The following RPH3A variants were observed in gnomAD, a reference collection of about 807,000 sequenced individuals.
RPH3A encodes rabphilin 3A, also known as rabphilin-3A.
A neutral mutation model predicts 102.2 loss-of-function variants in RPH3A; 48 were observed. The observed-to-expected ratio is 0.47, with a 90% CI of 0.37 to 0.60. The LOEUF (loss-of-function observed/expected upper bound fraction) is 0.60. Among genes scored for constraint, RPH3A ranks in the 20% least tolerant of loss-of-function variants. The pLI, the probability that RPH3A is intolerant of heterozygous loss-of-function variation, is 0.00. For synonymous variants in RPH3A, 310 were observed against 324.3 expected, an observed-to-expected ratio of 0.96 and a Z score of 0.47; for missense variants, 781 against 910.1, an observed-to-expected ratio of 0.86 and a Z score of 1.83.
Position 112,791,893 on chromosome 12 carries a change from A to AGAGAGAGAGAGAGAGAGAGG in RPH3A, c.-247_-246insGAGAGAGGGAGAGAGAGAGA, listed in dbSNP as rs1565882402. The stretch of plus-strand genomic sequence containing the variant: ...GAGAGAGAGAGAGAGAGAGAGAGAG[A>AGAGAGAGAGAGAGAGAGAGG]GAGAGAGAGAGACTCACAGAGCTAA... On this transcript the variant is annotated 5_prime_UTR_variant, in exon 1 of 22. Coordinates refer to ENST00000389385, the MANE Select transcript of RPH3A (RefSeq NM_001143854.2). 4 of 150,940 alleles carry AGAGAGAGAGAGAGAGAGAGG rather than the reference A, an allele frequency of 2.7e-5. No individual in the cohort carries two copies. The highest frequency in any genetic ancestry group is 7.3e-5 in the African/African-American group (3 of 40,964). 9.4% of individuals were successfully genotyped at this position (150,940 alleles called of 1,614,324 possible). A position where few individuals can be genotyped will look rare whatever the true frequency, so the allele number is the denominator to read the frequency against.
chr12:112,767,529 A>G (rs1270340571), intron 1 of RPH3A, among the ~76,000 whole-genome samples: 1 of 152,176 alleles, frequency 6.6e-6, no homozygotes, highest in Non-Finnish European at 1.5e-5. Flanking sequence ...CAGTCCAGTG[A>G]GGGTCTGGCT....
In RPH3A at chr12:112,865,584, T is replaced by TGGA. The variant is rs780599098; in HGVS notation, c.360+42_360+43insGAG. 2.7e-5 allele frequency: 43 copies of TGGA among 1,600,546 alleles called. No homozygotes were observed. The African/African-American group carries it at 5.4e-4, about 20-fold the overall frequency. ...TCTCCCTTCTTCCCTGTGCAGCACCTGCAGAGGGGAAAGTCCTAGGCTCCA... is the reference window on the plus strand; with the variant it reads ...TCTCCCTTCTTCCCTGTGCAGCACCTGGAGCAGAGGGGAAAGTCCTAGGCTCCA... On this transcript the variant is annotated intron_variant, in intron 6 of 21. Transcript: ENST00000389385.
intron 1 of RPH3A, among the ~76,000 whole-genome samples, chr12:112,666,699 T>A (rs571479141): frequency 6.6e-6 from 1 of 152,218 alleles, no homozygotes; most frequent in Non-Finnish European, 1.5e-5. Flanking sequence ...TGTCTGCACT[T>A]GTGAAGTAGG....
intron 1 of RPH3A, among the ~76,000 whole-genome samples, chr12:112,655,590 T>TTTTTTTA (rs2040005639): frequency 6.9e-6 from 1 of 144,860 alleles, no homozygotes; most frequent in Admixed American, 6.9e-5. Flanking sequence ...TTTTTTTTTT[T>TTTTTTTA]GAGACAGTCT....
intron 1 of RPH3A, among the ~76,000 whole-genome samples, chr12:112,615,648 C>A (rs1448704134): frequency 2.6e-5 from 4 of 152,130 alleles, no homozygotes; most frequent in Admixed American, 2.0e-4. Context: ...TCTTTTTGTA[C>A]CTTGCCTTCT....
chr12:112,847,209 T>C (rs538250421), intron 4 of RPH3A, among the ~76,000 whole-genome samples: 1 of 152,312 alleles, frequency 6.6e-6, no homozygotes, highest in East Asian at 1.9e-4. Context: ...CCCAAAATGT[T>C]ACCAGAGACT....
At chr12:112,739,985 A>G (rs1442878393) in intron 1 of RPH3A, among the ~76,000 whole-genome samples, 1 of 152,032 alleles carries the variant, frequency 6.6e-6, no homozygotes, top group Non-Finnish European at 1.5e-5. Context: ...TGCTGTTGCT[A>G]GTCTCTGGCT....
chr12:112,615,108 C>G (rs1209339248), intron 1 of RPH3A, among the ~76,000 whole-genome samples: 2 of 152,142 alleles, frequency 1.3e-5, no homozygotes, highest in Non-Finnish European at 2.9e-5. Context: ...TGTGTATTCC[C>G]TATAATATTC....
chr12:112,840,851 C>T (rs1327033261), intron 4 of RPH3A, among the ~76,000 whole-genome samples: 3 of 152,128 alleles, frequency 2.0e-5, no homozygotes, highest in Non-Finnish European at 2.9e-5. Context: ...GGACATGGCA[C>T]GTTGTTCTTT....
chr12:112,579,101 G>A (rs2039378723), intron 1 of RPH3A, among the ~76,000 whole-genome samples: 1 of 152,086 alleles, frequency 6.6e-6, no homozygotes, highest in Admixed American at 6.5e-5. Flanking sequence ...TTCATAGACA[G>A]CCTCCCCCAA....
chr12:112,854,099 T>C (rs376591428), intron 5 of RPH3A, among the ~76,000 whole-genome samples: 2 of 152,238 alleles, frequency 1.3e-5, no homozygotes, highest in African/African-American at 4.8e-5. Context: ...TTGGGACAGA[T>C]AATTCTTTGT....
At chr12:112,580,810 A>C (rs1185047437) in intron 1 of RPH3A, among the ~76,000 whole-genome samples, 1 of 152,188 alleles carries the variant, frequency 6.6e-6, no homozygotes, top group East Asian at 1.9e-4. Flanking sequence ...TTATGAACCA[A>C]TTTGTGCAGA....
chr12:112,666,996 A>G (rs2040087531), intron 1 of RPH3A, among the ~76,000 whole-genome samples: 1 of 152,056 alleles, frequency 6.6e-6, no homozygotes, highest in Non-Finnish European at 1.5e-5. Context: ...TAAAATAAAG[A>G]CCTGAATCCT....
intron 1 of RPH3A, among the ~76,000 whole-genome samples, chr12:112,747,214 G>C (rs75078136): frequency 1.8e-4 from 28 of 152,252 alleles, no homozygotes; most frequent in Non-Finnish European, 4.0e-4. Context: ...ATGGTGTTAG[G>C]GTAGTGGGAC....
intron 1 of RPH3A, among the ~76,000 whole-genome samples, chr12:112,643,350 C>G (rs2039904143): frequency 6.6e-6 from 1 of 152,222 alleles, no homozygotes; most frequent in South Asian, 2.1e-4. Context: ...ATCCTAATTT[C>G]CTAACCAGTA....
At chr12:112,699,262 A>C (rs967534865) in intron 1 of RPH3A, among the ~76,000 whole-genome samples, 2 of 152,326 alleles carry the variant, frequency 1.3e-5, no homozygotes, top group East Asian at 3.9e-4. Context: ...TTACTATATG[A>C]CCCAGCAGTC....
Position 112,897,090 on chromosome 12 carries a change from G to T in RPH3A, c.*310G>T, listed in dbSNP as rs1197977396. On this transcript the variant is annotated 3_prime_UTR_variant, in exon 22 of 22. Coordinates refer to ENST00000389385, the MANE Select transcript of RPH3A (RefSeq NM_001143854.2). ...CTCTCAGTTTGGGTAAATTACAAAG[G>T]TTCTTCATCATTTAGGACTGTTTTT... The T allele has an allele frequency of 9.9e-6, 3 of 301,668 alleles. No individual in the cohort carries two copies. The highest frequency in any genetic ancestry group is 1.9e-5 in the Non-Finnish European group (3 of 155,464). The allele number at this position is 301,668 out of a possible 1,614,324, so 18.7% of individuals were successfully genotyped here. A position where few individuals can be genotyped will look rare whatever the true frequency, so the allele number is the denominator to read the frequency against.
At chr12:112,820,400 T>C (rs1414504022) in intron 2 of RPH3A, among the ~76,000 whole-genome samples, 1 of 152,198 alleles carries the variant, frequency 6.6e-6, no homozygotes, top group East Asian at 1.9e-4. Context: ...GGCAGCATAG[T>C]AGAGTGATTA....
intron 10 of RPH3A, among the ~76,000 whole-genome samples, chr12:112,874,471 G>A (rs923590573): frequency 1.3e-5 from 2 of 152,168 alleles, no homozygotes; most frequent in East Asian, 1.9e-4. Flanking sequence ...AGGGCACATG[G>A]TAAGCACTAA....
Sources: gnomAD v4.1 joint callset for allele counts (sites outside exome capture counted in the v4.1 genomes callset) on GRCh38, gnomAD v4.1.1 for gene constraint, MANE v1.5 for transcripts, NCBI Gene and HGNC (gene_info 2026-07-23, HGNC 2026-07-21) for gene names.